AGTPBP1: variants seen among roughly 807,000 people sequenced by gnomAD.
AGTPBP1 encodes cytosolic carboxypeptidase 1.
A neutral mutation model predicts 143.9 loss-of-function variants in AGTPBP1; 70 were observed. That is an observed-to-expected ratio of 0.49 (90% CI 0.40 to 0.59). The LOEUF is 0.59. AGTPBP1 is among the 20% of genes least tolerant of loss of function. The pLI, the probability that AGTPBP1 is intolerant of heterozygous loss-of-function variation, is 0.00. For missense variants in AGTPBP1, 1,229 were observed against 1,464.5 expected (o/e 0.84, Z 2.62); for synonymous variants, 463 against 500.2 (o/e 0.93, Z 0.99).
At chr9:85,792,536 A>T in the AGTPBP1 span, among the ~76,000 whole-genome samples, 3 of 152,248 alleles carry the variant, frequency 2.0e-5, no homozygotes, top group South Asian at 6.2e-4. Flanking sequence ...AGGTGTCACC[A>T]GCTGTTAGAC....
In AGTPBP1 at chr9:85,586,896, G is replaced by A. The variant is rs1289031174; in HGVS notation, c.2968C>T (p.His990Tyr). ...CCCTTAGCATGGTAAATTGTAGGAT[G>A]TAAATCCGGACTTGGACTTTGCCAC... is the stretch of plus-strand genomic sequence containing the variant. ...RQWQSPSPDL[H>Y]PTIYHAKGLL... The change falls in exon 22 of 26, where the codon CAT (histidine) becomes TAT (tyrosine). Residue 990 changes from histidine (H) to tyrosine (Y), a missense_variant. By Grantham distance (83) the His-to-Tyr change is moderately conservative. Coordinates refer to ENST00000357081, the MANE Select transcript of AGTPBP1 (RefSeq NM_001330701.2). The A allele has an allele frequency of 1.2e-6, 2 of 1,614,044 alleles. No homozygotes were observed. Among genetic ancestry groups the A allele is most frequent in the Non-Finnish European group, 1.7e-6 (2 of 1,179,944 alleles).
At position 85,670,441 on chromosome 9, in the gene AGTPBP1, G is replaced by A. The variant is rs1426212526; in HGVS notation, c.569-863C>T. On this transcript the variant is annotated intron_variant, in intron 7 of 25. Transcript: ENST00000357081. ...CTATGGTCTAGGTAACAGGTAATGA[G>A]GACTTTAATTAAAGCAAGTGTAGCA... 3.3e-5 allele frequency among the ~76,000 whole-genome samples: 5 copies of A among 152,130 alleles called. No individual in the cohort carries two copies. In the East Asian group the frequency reaches 9.7e-4, roughly 29 times the overall value.
chr9:85,728,709 A>T (rs1420223836), intron 1 of AGTPBP1, among the ~76,000 whole-genome samples: 1 of 152,192 alleles, frequency 6.6e-6, no homozygotes, highest in Non-Finnish European at 1.5e-5. Context: ...AGATGAAAAA[A>T]ATCAAAACAC....
chr9:85,577,469 C>T (rs1476614968), intron 24 of AGTPBP1, among the ~76,000 whole-genome samples: 3 of 152,166 alleles, frequency 2.0e-5, no homozygotes, highest in Non-Finnish European at 4.4e-5. Context: ...AAGCAATGAT[C>T]GGGGACAGGG....
chr9:85,672,499 T>C, intron 7 of AGTPBP1, 51 bp downstream of exon 7: 1 of 1,568,972 alleles, frequency 6.4e-7, no homozygotes, highest in Non-Finnish European at 8.6e-7. Flanking sequence ...TAAAATTCTT[T>C]TTGTGTAACT....
At chr9:85,727,708 C>G (rs1838596575) in intron 1 of AGTPBP1, among the ~76,000 whole-genome samples, 1 of 152,088 alleles carries the variant, frequency 6.6e-6, no homozygotes, top group African/African-American at 2.4e-5. Flanking sequence ...AACTCTCTGC[C>G]AGGCCTTAGA....
chr9:85,631,914 T>C (rs1255766138), intron 14 of AGTPBP1, among the ~76,000 whole-genome samples: 1 of 152,194 alleles, frequency 6.6e-6, no homozygotes, highest in Non-Finnish European at 1.5e-5. Context: ...CAATATCTAA[T>C]CTTACTTGGC....
chr9:85,666,183 T>C (rs1158434062), intron 8 of AGTPBP1, among the ~76,000 whole-genome samples: 1 of 152,126 alleles, frequency 6.6e-6, no homozygotes. Context: ...TGACATCTAC[T>C]TTCAATTCTG....
At chr9:85,656,401 C>T (rs1833511114) in intron 10 of AGTPBP1, among the ~76,000 whole-genome samples, 4 of 151,978 alleles carry the variant, frequency 2.6e-5, no homozygotes, top group Non-Finnish European at 4.4e-5. Context: ...AATGTCTATA[C>T]TAGGAATAGT....
intron 2 of AGTPBP1, among the ~76,000 whole-genome samples, chr9:85,708,724 C>T (rs1027569146): frequency 8.6e-5 from 13 of 151,304 alleles, no homozygotes; most frequent in Admixed American, 5.9e-4. Flanking sequence ...TTAGTAGAGA[C>T]GGGGTTTCAC....
chr9:85,588,977 T>C (rs190344516), intron 20 of AGTPBP1, among the ~76,000 whole-genome samples: 1 of 152,272 alleles, frequency 6.6e-6, no homozygotes, highest in Non-Finnish European at 1.5e-5. Context: ...GTCTACAAAA[T>C]AATCATTCAG....
chr9:85,600,773 A>G (rs1034828081), intron 17 of AGTPBP1, among the ~76,000 whole-genome samples: 1 of 152,118 alleles, frequency 6.6e-6, no homozygotes, highest in African/African-American at 2.4e-5. Context: ...CAGCATTGGC[A>G]CAGTTTTGAG....
Position 85,592,446 on chromosome 9 carries a change from TTAAC to T in AGTPBP1, c.2568+110_2568+113del, listed in dbSNP as rs1829029702. 7 of 699,894 alleles carry T rather than the reference TTAAC, an allele frequency of 1.0e-5. No homozygotes were observed. The South Asian group carries it at 1.3e-4, about 13-fold the overall frequency. The allele number at this position is 699,894 out of a possible 1,614,324, so 43.4% of individuals were successfully genotyped here. A position where few individuals can be genotyped will look rare whatever the true frequency, so the allele number is the denominator to read the frequency against. ...TATAATTATCCTTATGTTAGAATATTTAACTAAACTCAATTATTATCATTATCCT... is the reference window on the plus strand; with the variant it reads ...TATAATTATCCTTATGTTAGAATATTTAAACTCAATTATTATCATTATCCT... On this transcript the variant is annotated intron_variant, in intron 19 of 25. Transcript: ENST00000357081.
intron 17 of AGTPBP1, among the ~76,000 whole-genome samples, chr9:85,603,833 G>A (rs567108158): frequency 1.4e-4 from 21 of 152,100 alleles, no homozygotes; most frequent in African/African-American, 4.1e-4. Flanking sequence ...AGGGAACATC[G>A]GCAGGAGCCA....
rs771160356 is a variant in AGTPBP1, at chr9:85,632,766, C to T, written c.1911G>A (p.Thr637=). The T allele has an allele frequency of 1.4e-5, 22 of 1,613,982 alleles. No homozygotes were observed. The highest frequency in any genetic ancestry group is 4.0e-5 in the African/African-American group (3 of 74,894). ...CCTCTGAATATTCTGGGACAGACTT[C>T]GTATTTTTCACAATCTCAATATAGA... ...PDLYIEIVKN[T]KSVPEYSEVA... is the part of the protein sequence containing the mutation. The change falls in exon 14 of 26, where the codon ACG becomes ACA. Residue 637 remains threonine (T), a synonymous_variant. Coordinates refer to ENST00000357081, the MANE Select transcript of AGTPBP1 (RefSeq NM_001330701.2).
chr9:85,596,303 A>G (rs904515315), intron 18 of AGTPBP1, 59 bp downstream of exon 18: 2 of 1,145,414 alleles, frequency 1.7e-6, no homozygotes, highest in Non-Finnish European at 2.5e-6. Flanking sequence ...CTGAAACAGG[A>G]TGTACTTAAT....
chr9:85,780,036 C>G, the AGTPBP1 span, among the ~76,000 whole-genome samples: 2 of 151,978 alleles, frequency 1.3e-5, no homozygotes, highest in Non-Finnish European at 2.9e-5. Context: ...TTTTTTAAAA[C>G]AAGATGATGG....
At chr9:85,633,864 C>CATT (rs1354058358) in intron 13 of AGTPBP1, among the ~76,000 whole-genome samples, 1 of 147,016 alleles carries the variant, frequency 6.8e-6, no homozygotes, top group East Asian at 2.0e-4. Context: ...ATATATAGAA[C>CATT]ATTAGAAGGG....
chr9:85,718,438 C>CA (rs1476987786), intron 1 of AGTPBP1, among the ~76,000 whole-genome samples: 1 of 152,166 alleles, frequency 6.6e-6, no homozygotes, highest in Non-Finnish European at 1.5e-5. Flanking sequence ...AGCATTTTTT[C>CA]ATGTGTCTGT....
Sources: allele counts gnomAD v4.1 joint callset (sites outside exome capture counted in the v4.1 genomes callset), GRCh38; gene constraint gnomAD v4.1.1; transcripts MANE v1.5; gene names NCBI Gene and HGNC (gene_info 2026-07-23, HGNC 2026-07-21).